Variants in IMMP2L observed in about 807,000 individuals in gnomAD.
IMMP2L encodes the protein inner mitochondrial membrane peptidase subunit 2, also known as mitochondrial inner membrane protease subunit 2.
Under a neutral mutation model 19.3 loss-of-function variants are expected in IMMP2L, and 18 were observed. That is an observed-to-expected ratio of 0.93 (90% CI 0.64 to 1.38). The LOEUF is 1.38. Among genes scored for constraint, IMMP2L ranks in the 40% most tolerant of loss-of-function variants. IMMP2L has a pLI of 0.00. For missense variants in IMMP2L, 233 were observed against 218.2 expected (o/e 1.07, Z -0.43); for synonymous variants, 76 against 73.0 (o/e 1.04, Z -0.21).
At chr7:110,925,028 T>G (rs1434018130) in intron 4 of IMMP2L, among the ~76,000 whole-genome samples, 6 of 152,176 alleles carry the variant, frequency 3.9e-5, no homozygotes, top group Admixed American at 3.9e-4. Context: ...AAGATGTTCT[T>G]TTGAAACTTG....
chr7:110,917,689 C>T (rs147636183), intron 4 of IMMP2L, among the ~76,000 whole-genome samples: 1,661 of 152,172 alleles, frequency 0.011, 15 homozygotes, highest in Admixed American at 0.023. Context: ...AATAGGGAGA[C>T]GGGAAACAAG....
chr7:111,451,405 C>A (rs1199141824), intron 3 of IMMP2L, among the ~76,000 whole-genome samples: 2 of 150,226 alleles, frequency 1.3e-5, no homozygotes, highest in Non-Finnish European at 3.0e-5. Context: ...AGTTCATGTC[C>A]TTTGTAGGGA....
At chr7:110,988,773 G>A (rs1258763505) in intron 3 of IMMP2L, among the ~76,000 whole-genome samples, 1 of 151,930 alleles carries the variant, frequency 6.6e-6, no homozygotes, top group African/African-American at 2.4e-5. Context: ...TCCTAAAAAG[G>A]AATAGTATGT....
chr7:111,538,801 A>C (rs1161081691), intron 1 of IMMP2L, among the ~76,000 whole-genome samples: 1 of 134,102 alleles, frequency 7.5e-6, no homozygotes, highest in Non-Finnish European at 1.6e-5. Flanking sequence ...CAGAGCAATG[A>C]GACCCTGGCT....
chr7:110,748,120 C>T (rs1797479727), intron 5 of IMMP2L, among the ~76,000 whole-genome samples: 1 of 151,988 alleles, frequency 6.6e-6, no homozygotes, highest in Admixed American at 6.6e-5. Flanking sequence ...AAACAGAGAG[C>T]CAAATCACAA....
chr7:111,442,515 T>C (rs765549107), intron 3 of IMMP2L, among the ~76,000 whole-genome samples: 1 of 151,700 alleles, frequency 6.6e-6, no homozygotes, highest in African/African-American at 2.4e-5. Flanking sequence ...GCCAGAATAT[T>C]GAATGAAATC....
chr7:111,124,945 A>G, intron 3 of IMMP2L: 1 of 1,228,826 alleles, frequency 8.1e-7, no homozygotes, highest in Non-Finnish European at 1.1e-6. Context: ...AAAAAAAAAA[A>G]GCGAAAGACT....
intron 3 of IMMP2L, among the ~76,000 whole-genome samples, chr7:111,395,641 C>A (rs754054439): frequency 1.3e-4 from 20 of 152,080 alleles, no homozygotes; most frequent in Non-Finnish European, 2.5e-4. Flanking sequence ...GCCTTTCGCC[C>A]ATTTAAGTAA....
At chr7:110,890,949 T>C (rs937620424) in intron 4 of IMMP2L, among the ~76,000 whole-genome samples, 2 of 152,150 alleles carry the variant, frequency 1.3e-5, no homozygotes, top group African/African-American at 2.4e-5. Flanking sequence ...GAAGAATTTC[T>C]TCTTAAAAGT....
At chr7:111,160,147 C>T (rs1056854713) in intron 3 of IMMP2L, among the ~76,000 whole-genome samples, 2 of 151,840 alleles carry the variant, frequency 1.3e-5, no homozygotes, top group African/African-American at 4.8e-5. Flanking sequence ...CACAATAAAT[C>T]AGTATTAAAT....
intron 3 of IMMP2L, among the ~76,000 whole-genome samples, chr7:110,981,905 C>T (rs539394523): frequency 9.9e-5 from 15 of 152,144 alleles, no homozygotes; most frequent in Admixed American, 5.2e-4. Context: ...TCTTCAAACA[C>T]CTGGAATTAT....
At chr7:111,065,986 A>AT (rs57080906) in intron 3 of IMMP2L, among the ~76,000 whole-genome samples, 75 of 101,358 alleles carry the variant, frequency 7.4e-4, no homozygotes, top group African/African-American at 2.0e-3. Context: ...GCAGGCTGTA[A>AT]TTTTTTTTTT....
At chr7:111,522,406 A>G (rs1246393735) in intron 1 of IMMP2L, among the ~76,000 whole-genome samples, 1 of 152,120 alleles carries the variant, frequency 6.6e-6, no homozygotes, top group Non-Finnish European at 1.5e-5. Context: ...AGGAAACTAT[A>G]CTTCTGACAA....
intron 3 of IMMP2L, among the ~76,000 whole-genome samples, chr7:111,196,679 A>G (rs146927984): frequency 2.7e-3 from 405 of 152,304 alleles, no homozygotes; most frequent in Middle Eastern, 6.8e-3. Flanking sequence ...AATTTAAATG[A>G]TTTAAATTTA....
intron 5 of IMMP2L, among the ~76,000 whole-genome samples, chr7:110,761,830 T>G (rs905860703): frequency 6.6e-6 from 1 of 152,154 alleles, no homozygotes; most frequent in African/African-American, 2.4e-5. Flanking sequence ...AATCACAGCT[T>G]ATTCATTTCT....
chr7:110,895,409 A>G (rs2129546590), intron 4 of IMMP2L, among the ~76,000 whole-genome samples: 1 of 152,298 alleles, frequency 6.6e-6, no homozygotes, highest in Middle Eastern at 3.4e-3. Context: ...TAGCAATATC[A>G]TACTGCCATG....
intron 5 of IMMP2L, among the ~76,000 whole-genome samples, chr7:110,768,245 C>G (rs1314115940): frequency 6.7e-6 from 1 of 150,068 alleles, no homozygotes; most frequent in East Asian, 2.0e-4. Flanking sequence ...GAAGACCCTG[C>G]CTTTAAAGAG....
intron 3 of IMMP2L, among the ~76,000 whole-genome samples, chr7:111,004,610 C>T (rs1824094268): frequency 6.6e-6 from 1 of 152,038 alleles, no homozygotes; most frequent in South Asian, 2.1e-4. Flanking sequence ...AACATTATCC[C>T]TAGAATTAAA....
chr7:111,190,885 G>T (rs1419728578), intron 3 of IMMP2L, among the ~76,000 whole-genome samples: 3 of 152,138 alleles, frequency 2.0e-5, no homozygotes, highest in Non-Finnish European at 4.4e-5. Flanking sequence ...AGCTGGGGAA[G>T]GAGAGCTGGT....
Sources: gnomAD v4.1 joint callset for allele counts (sites outside exome capture counted in the v4.1 genomes callset) on GRCh38, gnomAD v4.1.1 for gene constraint, MANE v1.5 for transcripts, NCBI Gene and HGNC (gene_info 2026-07-23, HGNC 2026-07-21) for gene names.